Variants in TCF25 observed in about 807,000 individuals in gnomAD.
The protein encoded by TCF25 is ribosome quality control complex subunit TCF25.
Under a neutral mutation model 83.1 loss-of-function variants are expected in TCF25, and 41 were observed. That is an observed-to-expected ratio of 0.49 (90% CI 0.38 to 0.64). TCF25 has a LOEUF of 0.64. Among genes scored for constraint, TCF25 ranks in the 30% least tolerant of loss-of-function variants. TCF25 has a pLI of 0.00. For missense variants in TCF25, 979 were observed against 914.5 expected (o/e 1.07, Z -0.91); for synonymous variants, 458 against 365.0 (o/e 1.25, Z -2.90).
At position 89,905,205 on chromosome 16, in the gene TCF25, C is replaced by T. The variant is rs970541898; in HGVS notation, c.1628+109C>T. The T allele has an allele frequency of 4.3e-6, 6 of 1,403,894 alleles. No homozygotes were observed. In the South Asian group the frequency reaches 8.9e-5, roughly 21 times the overall value. The allele number at this position is 1,403,894 out of a possible 1,614,324, so 87.0% of individuals were successfully genotyped here. The stretch of plus-strand genomic sequence containing the variant: ...GCGAGAAGGGCTGTGAGCAGCTTGG[C>T]CTCCCTTGCTGTGGGGCCTGTGTGG... On this transcript the variant is annotated intron_variant, in intron 14 of 17. Transcript: ENST00000263346.
chr16:89,894,005 G>A (rs756072024), intron 7 of TCF25, 147 bp downstream of exon 7: 1 of 1,202,440 alleles, frequency 8.3e-7, no homozygotes, highest in Non-Finnish European at 1.1e-6. Context: ...GGGCGGTCTG[G>A]CCCTGTGACC....
rs1567737938 is a variant in TCF25, at chr16:89,906,209, C to G, written c.1644C>G (p.Tyr548Ter). The change falls in exon 15 of 18, where the codon TAC becomes TAG. Residue 548 changes from tyrosine to a stop codon, truncating the protein, a stop_gained. Transcript: ENST00000263346. LOFTEE classifies it high-confidence loss of function. ...EACENRRKVL[Y>*]QRAPRNIHRH... ...CCGGCCCTAGGCGGAAGGTGCTCTA[C>G]CAGCGTGCACCCAGGAATATCCACC... is the stretch of plus-strand genomic sequence containing the variant. The G allele has an allele frequency of 6.2e-7, 1 of 1,613,348 alleles. No homozygotes were observed. Among genetic ancestry groups the G allele is most frequent in the South Asian group, 1.1e-5 (1 of 91,064 alleles).
chr16:89,895,883 T>A (rs1333525272), intron 8 of TCF25, 107 bp from the exon 9 acceptor site: 3 of 997,268 alleles, frequency 3.0e-6, no homozygotes, highest in East Asian at 5.5e-5. Context: ...GGACTCTAGT[T>A]TCGTGACCTT....
rs751646029 is a variant in TCF25 at position 89,911,060 on chromosome 16, G to A, written c.1873-20G>A. On this transcript the variant is annotated intron_variant, in intron 17 of 17. Transcript: ENST00000263346. ...CCCAGCACAGACAGCCCCCTTCTCA[G>A]ACATGTCCCCTTGCTGCAGGGGGAG... The A allele has an allele frequency of 5.6e-6, 9 of 1,610,092 alleles. No homozygotes were observed. The highest frequency in any genetic ancestry group is 2.2e-4 in the Middle Eastern group (1 of 4,496).
At position 89,893,865 on chromosome 16, in the gene TCF25, G is replaced by A. The variant is rs1234073683; in HGVS notation, c.828+7G>A. ...GGAGCCGAACAACATCGTGGTGCGT[G>A]GTCCCTGCAGCCCCTGACAGGAGCA... On this transcript the variant is annotated splice_region_variant and intron_variant, in intron 7 of 17. Transcript: ENST00000263346. 1 of 1,597,006 alleles carries A rather than the reference G, an allele frequency of 6.3e-7. No homozygotes were observed. The highest frequency in any genetic ancestry group is 8.5e-7 in the Non-Finnish European group (1 of 1,172,340).
chr16:89,875,820 C>CTTTTTTTTTTTTTTTTTTT (rs1164528945), intron 1 of TCF25, among the ~76,000 whole-genome samples: 1 of 64,836 alleles, frequency 1.5e-5, no homozygotes, highest in Non-Finnish European at 3.1e-5. Context: ...CTGCGCCTGG[C>CTTTTTTTTTTTTTTTTTTT]TTTTTTTTTT....
At chr16:89,906,467 G>C (rs1300752518) in intron 15 of TCF25, among the ~76,000 whole-genome samples, 183 bp downstream of exon 15, 1 of 152,176 alleles carries the variant, frequency 6.6e-6, no homozygotes, top group African/African-American at 2.4e-5. Flanking sequence ...GGGTTCGGAT[G>C]CTTGTTGTTT....
intron 12 of TCF25, 197 bp downstream of exon 12, chr16:89,900,991 C>A (rs1283980343): frequency 1.8e-6 from 1 of 564,342 alleles, no homozygotes; most frequent in Non-Finnish European, 2.9e-6. Context: ...GCGTGCCAAG[C>A]CAGGCACGAG....
intron 1 of TCF25, among the ~76,000 whole-genome samples, chr16:89,881,899 C>T (rs761038828): frequency 6.6e-6 from 1 of 152,122 alleles, no homozygotes; most frequent in Non-Finnish European, 1.5e-5. Flanking sequence ...GGATTACAGG[C>T]ACGCGCCACT....
chr16:89,891,721 C>T (rs1025286581), intron 5 of TCF25, among the ~76,000 whole-genome samples: 4 of 152,172 alleles, frequency 2.6e-5, no homozygotes, highest in African/African-American at 4.8e-5. Flanking sequence ...GATATTAGTA[C>T]GTTGTTCTCT....
intron 1 of TCF25, chr16:89,874,986 A>T (rs760841946): frequency 6.6e-6 from 1 of 152,112 alleles, no homozygotes; most frequent in Admixed American, 6.6e-5. Flanking sequence ...AATTTGCTAG[A>T]TTCACAGCAG....
intron 16 of TCF25, chr16:89,909,304 G>A: frequency 2.2e-6 from 1 of 464,174 alleles, no homozygotes; most frequent in Non-Finnish European, 3.6e-6. Context: ...AAGGTCAAGA[G>A]ATTGAGACCA....
At chr16:89,882,558 C>T (rs1246769850) in intron 1 of TCF25, among the ~76,000 whole-genome samples, 23 of 152,124 alleles carry the variant, frequency 1.5e-4, no homozygotes, top group Admixed American at 1.4e-3. Context: ...GAGAAGGTTT[C>T]ATCGTATGAA....
chr16:89,910,290 G>T lies in TCF25; in HGVS notation c.1800-301G>T, dbSNP rs546751335. The T allele has an allele frequency of 3.6e-5, 17 of 466,180 alleles. No individual in the cohort carries two copies. The South Asian group carries it at 4.7e-4, about 13-fold the overall frequency. The allele number at this position is 466,180 out of a possible 1,614,324, so 28.9% of individuals were successfully genotyped here. On this transcript the variant is annotated intron_variant, in intron 16 of 17. Coordinates refer to ENST00000263346, the MANE Select transcript of TCF25 (RefSeq NM_014972.3). Reference sequence around the variant, plus strand: ...AACTGCAGCTTTTCTGAAAAGCAAGGCACCTGTGCAGTGGCCGAGGATGGC... The same window carrying T: ...AACTGCAGCTTTTCTGAAAAGCAAGTCACCTGTGCAGTGGCCGAGGATGGC...
chr16:89,900,570 T>A (rs2044240230), intron 11 of TCF25, 65 bp from the exon 12 acceptor site: 1 of 1,500,588 alleles, frequency 6.7e-7, no homozygotes, highest in East Asian at 2.3e-5. Flanking sequence ...TCAGAGCGTC[T>A]GCAAACTCAC....
rs1165759855 is a variant in TCF25 at position 89,883,400 on chromosome 16, CT to C, written c.243del (p.Gly82AlafsTer66). On this transcript the variant is annotated frameshift_variant, in exon 2 of 18. Coordinates refer to ENST00000263346, the MANE Select transcript of TCF25 (RefSeq NM_014972.3). LOFTEE classifies it high-confidence loss of function. ...GACCCTGTGGTGAACGGGGAGAGGT[CT>C]GGCTGTGCGCTCACAGACGCTGTGG... ...EDDPVVNGER[S>X]GCALTDAVAP... 6.2e-7 allele frequency: 1 copy of C among 1,614,048 alleles called. No homozygotes were observed. The highest frequency in any genetic ancestry group is 1.7e-5 in the Admixed American group (1 of 59,998).
intron 1 of TCF25, among the ~76,000 whole-genome samples, chr16:89,882,945 C>T (rs1358339272): frequency 2.0e-5 from 3 of 152,150 alleles, no homozygotes. Flanking sequence ...TTTTTTCCTG[C>T]CTGCTGCTGG....
rs201905874 is a variant in TCF25 at position 89,873,639 on chromosome 16, C to T, written c.-29C>T. On this transcript the variant is annotated 5_prime_UTR_variant, in exon 1 of 18. Transcript: ENST00000263346. ...GAGTTTTCTGCGCTTCCTTCTCCCT[C>T]TCTCCAGACGTCGTGGTCGTTCGGT... 1.5e-5 allele frequency: 22 copies of T among 1,510,200 alleles called. No individual in the cohort carries two copies. Among genetic ancestry groups the T allele is most frequent in the South Asian group, 2.5e-5 (2 of 79,142 alleles). 93.5% of individuals were successfully genotyped at this position (1,510,200 alleles called of 1,614,324 possible).
At chr16:89,887,838 C>A (rs1299112054) in intron 5 of TCF25, 121 bp downstream of exon 5, 9 of 864,046 alleles carry the variant, frequency 1.0e-5, no homozygotes, top group Non-Finnish European at 1.5e-5. Context: ...CCAGAGTGCA[C>A]ACGTAACCCT....
Sources: gnomAD v4.1 joint callset for allele counts (sites outside exome capture counted in the v4.1 genomes callset) on GRCh38, gnomAD v4.1.1 for gene constraint, MANE v1.5 for transcripts, NCBI Gene and HGNC (gene_info 2026-07-23, HGNC 2026-07-21) for gene names.